The following TVP23C variants were observed in gnomAD, a reference collection of about 807,000 sequenced individuals.
TVP23C encodes the protein trans-golgi network vesicle protein 23 homolog C.
Under a neutral mutation model 28.7 loss-of-function variants are expected in TVP23C, and 19 were observed. The observed-to-expected ratio is 0.66, with a 90% CI of 0.46 to 0.97. TVP23C has a LOEUF of 0.97. Ranked by LOEUF, TVP23C falls within the 50% of genes least tolerant of loss-of-function variation. The pLI, the probability that TVP23C is intolerant of heterozygous loss-of-function variation, is 0.00. For missense variants in TVP23C, 186 were observed against 241.3 expected, an observed-to-expected ratio of 0.77 and a Z score of 1.52; for synonymous variants, 68 against 81.7, an observed-to-expected ratio of 0.83 and a Z score of 0.90.
chr17:15,523,025 T>C (rs1264935124), intron 5 of TVP23C, among the ~76,000 whole-genome samples: 1 of 152,160 alleles, frequency 6.6e-6, no homozygotes, highest in Non-Finnish European at 1.5e-5. Flanking sequence ...TTTTTTTTTT[T>C]TGGAGACGTA....
At chr17:15,541,993 G>C (rs1256872780) in intron 5 of TVP23C, among the ~76,000 whole-genome samples, 1 of 152,154 alleles carries the variant, frequency 6.6e-6, no homozygotes, top group East Asian at 1.9e-4. Context: ...AGTGAAGTCA[G>C]ACATGAAGAT....
At position 15,555,333 on chromosome 17, in the gene TVP23C, A is replaced by G. The variant is rs1263176714; in HGVS notation, c.44T>C (p.Leu15Pro). The G allele has an allele frequency of 3.1e-6, 5 of 1,614,026 alleles. No homozygotes were observed. The highest frequency in any genetic ancestry group is 4.2e-6 in the Non-Finnish European group (5 of 1,179,872). Reference protein sequence around the residue: ...DSNDDTEDVSLFDAEEETTNR... With the variant: ...DSNDDTEDVSPFDAEEETTNR... ...AGTCGTCTCCTCTTCCGCATCAAACAGTGAAACATCTTCAGTGTCATCATT... is the reference window on the plus strand; with the variant it reads ...AGTCGTCTCCTCTTCCGCATCAAACGGTGAAACATCTTCAGTGTCATCATT... Residue 15 changes from leucine to proline, a missense_variant, in exon 2 of 6, where the codon CTG becomes CCG. Coordinates refer to ENST00000518321, the MANE Select transcript of TVP23C (RefSeq NM_001135036.2).
rs574794453 is a variant in TVP23C, at chr17:15,518,830, T to C, written c.463-15598A>G. ...CCTCAGGCCAAGTCACCTTGTGATA[T>C]GGTTTGGCTCTGTGACCTCACTCAA... On this transcript the variant is annotated intron_variant, in intron 5 of 5. Coordinates refer to the TVP23C transcript ENST00000225576. Among the ~76,000 whole-genome samples the C allele has an allele frequency of 2.0e-5, 3 of 152,284 alleles. No individual in the cohort carries two copies. In the East Asian group the frequency reaches 5.8e-4, roughly 29 times the overall value.
chr17:15,533,498 A>G (rs1170217179), downstream of TVP23C, among the ~76,000 whole-genome samples: 4 of 152,134 alleles, frequency 2.6e-5, no homozygotes, highest in African/African-American at 7.2e-5. Context: ...TGGTAATTGC[A>G]TTTTTTAGCA....
chr17:15,502,998 A>C (rs1981546922), exon 6 of TVP23C: 6 of 1,614,184 alleles, frequency 3.7e-6, no homozygotes, highest in Non-Finnish European at 5.1e-6. Flanking sequence ...ATCTGTTGGC[A>C]GTTGCCTGGA....
chr17:15,537,852 C>G lies in TVP23C; in HGVS notation c.*2560G>C, dbSNP rs1983220062. 7.8e-7 allele frequency: 1 copy of G among 1,281,822 alleles called. No homozygotes were observed. Among genetic ancestry groups the G allele is most frequent in the Non-Finnish European group, 9.9e-7 (1 of 1,015,214 alleles). The allele number at this position is 1,281,822 out of a possible 1,614,324, so 79.4% of individuals were successfully genotyped here. On this transcript the variant is annotated 3_prime_UTR_variant, in exon 6 of 6. Coordinates refer to ENST00000518321, the MANE Select transcript of TVP23C (RefSeq NM_001135036.2). ...ATTAACTTGGGATATACAGGTATTA[C>G]ATGGCCGTGTGCATACCTATGGAAT... is the stretch of plus-strand genomic sequence containing the variant.
Position 15,555,373 on chromosome 17 carries a change from A to C in TVP23C, c.13-9T>G, listed in dbSNP as rs1313981194. ...GTGTCATCATTACTATCCTGGTTGG[A>C]AAAATAAATGGTCAAGAAGCAAAAC... On this transcript the variant is annotated splice_polypyrimidine_tract_variant and intron_variant, in intron 1 of 5. Coordinates refer to ENST00000518321, the MANE Select transcript of TVP23C (RefSeq NM_001135036.2). 6.2e-7 allele frequency: 1 copy of C among 1,613,860 alleles called. No individual in the cohort carries two copies. Among genetic ancestry groups the C allele is most frequent in the African/African-American group, 1.3e-5 (1 of 74,920 alleles).
At chr17:15,553,421 T>A (rs912537089) in intron 3 of TVP23C, among the ~76,000 whole-genome samples, 1 of 152,106 alleles carries the variant, frequency 6.6e-6, no homozygotes, top group African/African-American at 2.4e-5. Context: ...CATTTGTTTG[T>A]TTATTTGACT....
chr17:15,538,776 C>T lies in TVP23C; in HGVS notation c.*1636G>A. Reference sequence around the variant, plus strand: ...CACCTGTATTCCATGTTCCTCCCCACCTTCAGAAACACTGAAAATTCTAAC... The same window carrying T: ...CACCTGTATTCCATGTTCCTCCCCATCTTCAGAAACACTGAAAATTCTAAC... On this transcript the variant is annotated 3_prime_UTR_variant, in exon 6 of 6. Coordinates refer to ENST00000518321, the MANE Select transcript of TVP23C (RefSeq NM_001135036.2). 2 of 985,338 alleles carry T rather than the reference C, an allele frequency of 2.0e-6. No homozygotes were observed. The highest frequency in any genetic ancestry group is 2.4e-6 in the Non-Finnish European group (2 of 829,932). The allele number at this position is 985,338 out of a possible 1,614,324, so 61.0% of individuals were successfully genotyped here.
chr17:15,540,391 A>C lies in TVP23C; in HGVS notation c.*21T>G. 1.3e-6 allele frequency: 2 copies of C among 1,566,174 alleles called. No individual in the cohort carries two copies. Among genetic ancestry groups the C allele is most frequent in the Non-Finnish European group, 1.7e-6 (2 of 1,151,804 alleles). ...TAAAAATTAAACTATGAAAGTTAGA[A>C]ATAATTGCATTAGTCACTGATCACA... On this transcript the variant is annotated 3_prime_UTR_variant, in exon 6 of 6. Transcript: ENST00000518321.
At chr17:15,550,898 T>C (rs1418904668) in intron 3 of TVP23C, among the ~76,000 whole-genome samples, 2 of 152,186 alleles carry the variant, frequency 1.3e-5, no homozygotes, top group Admixed American at 6.5e-5. Context: ...CCAATCTTAG[T>C]ATTCTTGTCT....
intron 5 of TVP23C, 34 bp from the exon 6 acceptor site, chr17:15,540,595 T>C (rs1161719922): frequency 1.9e-6 from 3 of 1,606,188 alleles, no homozygotes; most frequent in Admixed American, 3.4e-5. Context: ...CAACGGTTAC[T>C]GGCCTGAAAT....
At chr17:15,520,432 T>C (rs1236314897) in intron 5 of TVP23C, among the ~76,000 whole-genome samples, 1 of 144,832 alleles carries the variant, frequency 6.9e-6, no homozygotes, top group East Asian at 1.9e-4. Context: ...TTTTAGGCTC[T>C]ATTTAGATTC....
In TVP23C at chr17:15,549,880, G is replaced by C. The variant is rs917695029; in HGVS notation, c.241-2732C>G. On this transcript the variant is annotated intron_variant, in intron 3 of 5. Transcript: ENST00000518321. Reference sequence around the variant, plus strand: ...AGGGAATACAGGAGAAGAAAAGGAAGAGTCTTATGAGACCAAAATTCCTAT... The same window carrying C: ...AGGGAATACAGGAGAAGAAAAGGAACAGTCTTATGAGACCAAAATTCCTAT... 1.1e-4 allele frequency among the ~76,000 whole-genome samples: 17 copies of C among 151,378 alleles called. No homozygotes were observed. The Middle Eastern group carries it at 0.014, about 121-fold the overall frequency.
At chr17:15,546,288 A>C (rs1392562719) in intron 4 of TVP23C, among the ~76,000 whole-genome samples, 1 of 152,196 alleles carries the variant, frequency 6.6e-6, no homozygotes, top group Non-Finnish European at 1.5e-5. Flanking sequence ...TGGAGACTAA[A>C]AGGTCAAATT....
chr17:15,523,682 C>T (rs867628885), intron 5 of TVP23C, among the ~76,000 whole-genome samples: 1 of 151,390 alleles, frequency 6.6e-6, no homozygotes, highest in Non-Finnish European at 1.5e-5. Flanking sequence ...GGTGCAATCT[C>T]GGCTCACTGC....
intron 5 of TVP23C, among the ~76,000 whole-genome samples, chr17:15,524,832 A>G (rs1982654112): frequency 6.6e-6 from 1 of 152,184 alleles, no homozygotes; most frequent in Admixed American, 6.5e-5. Context: ...TGCAAATAGC[A>G]CCAAGAGCTG....
At chr17:15,562,690 T>G (rs929188655) in intron 1 of TVP23C, 1 of 152,238 alleles carries the variant, frequency 6.6e-6, no homozygotes, top group Non-Finnish European at 1.5e-5. Context: ...GCCTTTGCAA[T>G]TATCTGAAAA....
chr17:15,516,030 TC>T (rs1333630142), intron 5 of TVP23C, among the ~76,000 whole-genome samples: 6 of 152,116 alleles, frequency 3.9e-5, no homozygotes. Flanking sequence ...AGACGCGTGC[TC>T]CCCCTTTGCC....
Sources: gnomAD v4.1 joint callset for allele counts (sites outside exome capture counted in the v4.1 genomes callset) on GRCh38, gnomAD v4.1.1 for gene constraint, MANE v1.5 for transcripts, NCBI Gene and HGNC (gene_info 2026-07-23, HGNC 2026-07-21) for gene names.